The following RORA variants were observed in gnomAD, a reference collection of about 807,000 sequenced individuals.
RORA encodes the protein RAR related orphan receptor A, also known as nuclear receptor ROR-alpha.
RORA carries 7 observed loss-of-function variants against 69.5 expected under a neutral mutation model. The observed-to-expected ratio is 0.10, with a 90% CI of 0.06 to 0.19. The LOEUF (loss-of-function observed/expected upper bound fraction) is 0.19. Ranked by LOEUF, RORA falls within the 10% of genes least tolerant of loss-of-function variation. The probability of loss-of-function intolerance (pLI) is 1.00; values close to 1 mark genes in which losing one functional copy is unlikely to be tolerated. For missense variants in RORA, 457 were observed against 663.0 expected, an observed-to-expected ratio of 0.69 and a Z score of 3.41; for synonymous variants, 261 against 240.8, an observed-to-expected ratio of 1.08 and a Z score of -0.78.
chr15:61,148,061 C>T (rs1038005758), intron 1 of RORA, among the ~76,000 whole-genome samples: 1 of 152,128 alleles, frequency 6.6e-6, no homozygotes, highest in African/African-American at 2.4e-5. Flanking sequence ...ACAAAGAGAC[C>T]AATGAGGAGG....
intron 1 of RORA, among the ~76,000 whole-genome samples, chr15:60,811,197 C>G (rs747745985): frequency 1.4e-4 from 21 of 152,194 alleles, no homozygotes; most frequent in Non-Finnish European, 2.2e-4. Context: ...GTACCATTTC[C>G]TAGAGTGAAT....
chr15:60,826,205 T>C (rs1016495469), intron 1 of RORA, among the ~76,000 whole-genome samples: 31 of 152,150 alleles, frequency 2.0e-4, no homozygotes, highest in African/African-American at 7.2e-4. Flanking sequence ...TACTGGCACA[T>C]GCTTGGCACT....
intron 1 of RORA, among the ~76,000 whole-genome samples, chr15:60,909,107 G>T (rs925752567): frequency 6.6e-6 from 1 of 152,198 alleles, no homozygotes; most frequent in Non-Finnish European, 1.5e-5. Flanking sequence ...AGCTCCGCCT[G>T]ACTAGAGAAA....
At chr15:60,965,819 C>A (rs1487853728) in intron 1 of RORA, among the ~76,000 whole-genome samples, 1 of 152,170 alleles carries the variant, frequency 6.6e-6, no homozygotes, top group Non-Finnish European at 1.5e-5. Context: ...CCTGACCAAA[C>A]CTTCACCCTG....
chr15:60,757,803 G>A (rs372400875), intron 1 of RORA, among the ~76,000 whole-genome samples: 2 of 152,084 alleles, frequency 1.3e-5, no homozygotes, highest in Admixed American at 1.3e-4. Flanking sequence ...ACCCCCAAAT[G>A]CTTGCTTTGT....
intron 2 of RORA, among the ~76,000 whole-genome samples, chr15:60,677,918 G>A (rs1472094500): frequency 1.3e-5 from 2 of 152,128 alleles, no homozygotes. Flanking sequence ...ATAATATGCT[G>A]GTCAATTACA....
intron 1 of RORA, among the ~76,000 whole-genome samples, chr15:60,802,714 C>T (rs1160722053): frequency 3.3e-5 from 5 of 152,060 alleles, no homozygotes; most frequent in Non-Finnish European, 7.4e-5. Context: ...CTGTTGTTGT[C>T]TTTTTCAAAT....
intron 1 of RORA, chr15:61,195,904 A>G (rs1166576992): frequency 6.6e-6 from 1 of 152,266 alleles, no homozygotes. Context: ...AAAAGGGACG[A>G]AATGTCTGAC....
At chr15:61,117,238 C>G (rs1430663009) in intron 1 of RORA, among the ~76,000 whole-genome samples, 2 of 145,864 alleles carry the variant, frequency 1.4e-5, no homozygotes, top group South Asian at 4.4e-4. Context: ...AAACAAAACT[C>G]TCCAGGATTG....
At chr15:60,733,291 A>G (rs1250422242) in intron 1 of RORA, among the ~76,000 whole-genome samples, 6 of 152,200 alleles carry the variant, frequency 3.9e-5, no homozygotes, top group Admixed American at 3.9e-4. Context: ...GAGGCCAAAA[A>G]TGAGGCACAA....
chr15:60,981,381 T>C (rs1894040619), intron 1 of RORA, among the ~76,000 whole-genome samples: 1 of 152,122 alleles, frequency 6.6e-6, no homozygotes, highest in African/African-American at 2.4e-5. Context: ...CACCATTATT[T>C]CTTCAAATCA....
At position 61,147,178 on chromosome 15, in the gene RORA, A is replaced by G. The variant is rs963809122; in HGVS notation, c.166+81875T>C. Among the ~76,000 whole-genome samples the G allele has an allele frequency of 6.6e-6, 1 of 152,160 alleles. No homozygotes were observed. The highest frequency in any genetic ancestry group is 1.5e-5 in the Non-Finnish European group (1 of 68,030). Reference sequence around the variant, plus strand: ...TTATTTTATTCCCCAGAACCTTTGCATGCGTCAACCACTAGTCATGCCTTG... The same window carrying G: ...TTATTTTATTCCCCAGAACCTTTGCGTGCGTCAACCACTAGTCATGCCTTG... On this transcript the variant is annotated intron_variant, in intron 1 of 10. Coordinates refer to ENST00000335670, the MANE Select transcript of RORA (RefSeq NM_134261.3). This position sits in a 1 kb window ranked among gnomAD's most constrained non-coding sequence, Gnocchi z 4.1.
At position 60,984,801 on chromosome 15, in the gene RORA, C is replaced by CTTT. The variant is rs3985701; in HGVS notation, c.166+244249_166+244251dup. Among the ~76,000 whole-genome samples, 412 of 137,228 alleles carry CTTT rather than the reference C, an allele frequency of 3.0e-3. 3 individuals carry two copies. The highest frequency in any genetic ancestry group is 0.016 in the South Asian group (68 of 4,280). 90.0% of individuals were successfully genotyped at this position (137,228 alleles called of 152,430 possible). A position where few individuals can be genotyped will look rare whatever the true frequency, so the allele number is the denominator to read the frequency against. ...AAGCCTGGGCTTGGACTACATATGT[C>CTTT]TTTTTTTTTTTTTTTCCTGTTTCAT... On this transcript the variant is annotated intron_variant, in intron 1 of 10. Transcript: ENST00000335670.
chr15:60,884,518 T>C lies in RORA; in HGVS notation c.167-205832A>G, dbSNP rs148918446. Among the ~76,000 whole-genome samples, 947 of 151,996 alleles carry C rather than the reference T, an allele frequency of 6.2e-3. 18 individuals are homozygous for C. The highest frequency in any genetic ancestry group is 0.022 in the African/African-American group (898 of 41,470). ...CTGAAGAAACAAACAAATCTAAAAA[T>C]ATAAATCCACATTTGTGTATGGAGA... On this transcript the variant is annotated intron_variant, in intron 1 of 10. Transcript: ENST00000335670.
intron 1 of RORA, among the ~76,000 whole-genome samples, chr15:60,718,996 G>A (rs2140820774): frequency 6.6e-6 from 1 of 151,952 alleles, no homozygotes; most frequent in Admixed American, 6.6e-5. Flanking sequence ...CTGGCCTTGA[G>A]CTCTTTAAAA....
intron 2 of RORA, among the ~76,000 whole-genome samples, chr15:60,539,054 T>A (rs2066775028): frequency 6.6e-6 from 1 of 150,648 alleles, no homozygotes; most frequent in African/African-American, 2.4e-5. Flanking sequence ...GATCAAACAT[T>A]TGTGAACTAA....
At chr15:60,773,520 T>C (rs2072110261) in intron 1 of RORA, among the ~76,000 whole-genome samples, 1 of 152,208 alleles carries the variant, frequency 6.6e-6, no homozygotes, top group Admixed American at 6.5e-5. Context: ...ATTTTACCAA[T>C]ACTTTTACTA....
At chr15:60,634,076 T>A in intron 2 of RORA, among the ~76,000 whole-genome samples, 1 of 152,070 alleles carries the variant, frequency 6.6e-6, no homozygotes, top group East Asian at 1.9e-4. Context: ...GTTAGTATAT[T>A]CTTTAGAAAT....
intron 2 of RORA, among the ~76,000 whole-genome samples, chr15:60,574,782 T>C (rs2067979245): frequency 6.6e-6 from 1 of 152,200 alleles, no homozygotes; most frequent in African/African-American, 2.4e-5. Flanking sequence ...TTAGTGAGGT[T>C]ACATGACTTG....
Sources: allele counts gnomAD v4.1 joint callset (sites outside exome capture counted in the v4.1 genomes callset), GRCh38; gene constraint gnomAD v4.1.1; non-coding constraint Gnocchi (gnomAD v3.1); transcripts MANE v1.5; gene names NCBI Gene and HGNC (gene_info 2026-07-23, HGNC 2026-07-21).